LRP1B: variants seen among roughly 807,000 people sequenced by gnomAD.
The protein encoded by LRP1B is LDL receptor related protein 1B.
Under a neutral mutation model 556.6 loss-of-function variants are expected in LRP1B, and 217 were observed. The observed-to-expected ratio is 0.39, with a 90% CI of 0.35 to 0.44. The LOEUF is 0.44. Among genes scored for constraint, LRP1B ranks in the 20% least tolerant of loss-of-function variants. The pLI, the probability that LRP1B is intolerant of heterozygous loss-of-function variation, is 1.00. For missense variants in LRP1B, 5,053 were observed against 5,620.8 expected (o/e 0.90, Z 3.23); for synonymous variants, 2,047 against 1,865.8 (o/e 1.10, Z -2.50).
chr2:140,646,098 C>A (rs899823150), intron 41 of LRP1B, among the ~76,000 whole-genome samples: 1 of 152,092 alleles, frequency 6.6e-6, no homozygotes, highest in South Asian at 2.1e-4. Flanking sequence ...ACTCAGTTCT[C>A]GTAATTTCAT....
At chr2:140,478,981 A>C (rs112253832) in intron 59 of LRP1B, among the ~76,000 whole-genome samples, 1 of 151,942 alleles carries the variant, frequency 6.6e-6, no homozygotes, top group East Asian at 1.9e-4. Flanking sequence ...GTATCTTTGA[A>C]TATGATTTGC....
chr2:140,926,027 T>C (rs1235475433), intron 20 of LRP1B, among the ~76,000 whole-genome samples: 3 of 150,918 alleles, frequency 2.0e-5, no homozygotes, highest in South Asian at 2.1e-4. Flanking sequence ...TAAATTTAAA[T>C]ACAAATGTTA....
At chr2:140,602,846 C>T (rs932287640) in intron 41 of LRP1B, among the ~76,000 whole-genome samples, 1 of 151,762 alleles carries the variant, frequency 6.6e-6, no homozygotes, top group African/African-American at 2.4e-5. Flanking sequence ...AACTGCTTTT[C>T]ATACATCATT....
chr2:141,372,990 T>A (rs1389451468), intron 3 of LRP1B, among the ~76,000 whole-genome samples: 1 of 152,088 alleles, frequency 6.6e-6, no homozygotes, highest in Non-Finnish European at 1.5e-5. Flanking sequence ...ACTTTATTGA[T>A]GTATGCATTT....
At chr2:140,634,100 CA>C (rs1370829960) in intron 41 of LRP1B, among the ~76,000 whole-genome samples, 1 of 152,048 alleles carries the variant, frequency 6.6e-6, no homozygotes, top group East Asian at 1.9e-4. Context: ...AATTACACAC[CA>C]AAACCGAGTA....
intron 1 of LRP1B, among the ~76,000 whole-genome samples, chr2:141,846,340 G>T (rs545984054): frequency 2.0e-5 from 3 of 151,592 alleles, no homozygotes; most frequent in South Asian, 2.1e-4. Flanking sequence ...AAGAAATTGG[G>T]AATGTAAATA....
At chr2:141,413,666 C>G (rs922725306) in intron 3 of LRP1B, among the ~76,000 whole-genome samples, 12 of 152,096 alleles carry the variant, frequency 7.9e-5, no homozygotes, top group Non-Finnish European at 1.0e-4. Flanking sequence ...AATCCCAGCA[C>G]TTTGGGAGGG....
At chr2:140,436,051 G>A (rs1686166343) in intron 66 of LRP1B, among the ~76,000 whole-genome samples, 2 of 151,254 alleles carry the variant, frequency 1.3e-5, no homozygotes, top group Admixed American at 6.6e-5. Flanking sequence ...AAAGTCATTA[G>A]CAGAAAAGAG....
At chr2:142,049,600 T>C in intron 1 of LRP1B, among the ~76,000 whole-genome samples, 1 of 152,220 alleles carries the variant, frequency 6.6e-6, no homozygotes, top group South Asian at 2.1e-4. Flanking sequence ...ACATAGTCTT[T>C]CTTCCTTCTT....
chr2:140,700,102 G>C, intron 41 of LRP1B, 148 bp downstream of exon 41: 2 of 660,532 alleles, frequency 3.0e-6, no homozygotes, highest in East Asian at 5.9e-5. Flanking sequence ...GGGGGGTGGG[G>C]GGTGAGGGTT....
At chr2:140,859,045 T>TGTGAGCTC (rs1692705334) in intron 27 of LRP1B, among the ~76,000 whole-genome samples, 1 of 152,148 alleles carries the variant, frequency 6.6e-6, no homozygotes. Context: ...CTCTTGAACT[T>TGTGAGCTC]GTGAGCTCAA....
intron 1 of LRP1B, among the ~76,000 whole-genome samples, chr2:141,827,212 C>T (rs352975): frequency 0.21 from 31,339 of 152,230 alleles, 3,381 homozygotes; most frequent in East Asian, 0.33. Context: ...ATTTCATAGA[C>T]AGAAGTTCTT....
At position 141,065,463 on chromosome 2, in the gene LRP1B, G is replaced by A. The variant is rs77340451; in HGVS notation, c.1014-3190C>T. 5.4e-3 allele frequency among the ~76,000 whole-genome samples: 813 copies of A among 151,900 alleles called. 8 individuals are homozygous for A. The highest frequency in any genetic ancestry group is 0.018 in the African/African-American group (760 of 41,484). ...TGAACATGATACATTGTGTTTAATC[G>A]TCTTTTCTTGCTCAACTCCTTTAAT... On this transcript the variant is annotated intron_variant, in intron 7 of 90. Coordinates refer to ENST00000389484, the MANE Select transcript of LRP1B (RefSeq NM_018557.3).
chr2:140,649,202 G>A (rs780304049), intron 41 of LRP1B, among the ~76,000 whole-genome samples: 5 of 151,970 alleles, frequency 3.3e-5, no homozygotes, highest in African/African-American at 4.8e-5. Flanking sequence ...CTCTATCCTG[G>A]TAGTGATTTC....
chr2:141,601,866 T>A (rs1348011102), intron 2 of LRP1B, among the ~76,000 whole-genome samples: 1 of 152,028 alleles, frequency 6.6e-6, no homozygotes, highest in African/African-American at 2.4e-5. Flanking sequence ...CTTCCCAGAG[T>A]GCTGGGATTA....
intron 21 of LRP1B, among the ~76,000 whole-genome samples, chr2:140,911,446 A>G (rs12473271): frequency 0.84 from 127,532 of 151,624 alleles, 53,745 homozygotes; most frequent in East Asian, 0.95. Flanking sequence ...AAAATATATT[A>G]GCTTATTTTA....
intron 3 of LRP1B, among the ~76,000 whole-genome samples, chr2:141,283,612 G>A (rs926458130): frequency 2.1e-5 from 3 of 145,486 alleles, no homozygotes; most frequent in Non-Finnish European, 4.5e-5. Flanking sequence ...CAGACAAAGA[G>A]ACCCACTTTT....
At chr2:141,959,732 G>A (rs923745911) in intron 1 of LRP1B, among the ~76,000 whole-genome samples, 6 of 151,760 alleles carry the variant, frequency 4.0e-5, no homozygotes, top group African/African-American at 1.5e-4. Flanking sequence ...TTACATTTTT[G>A]TATTAAGTCT....
intron 25 of LRP1B, among the ~76,000 whole-genome samples, chr2:140,875,299 A>G (rs1693271028): frequency 6.6e-6 from 1 of 152,212 alleles, no homozygotes; most frequent in African/African-American, 2.4e-5. Context: ...CAAGACCAGT[A>G]TATGGGCCCT....
Sources: allele counts gnomAD v4.1 joint callset (sites outside exome capture counted in the v4.1 genomes callset), GRCh38; gene constraint gnomAD v4.1.1; transcripts MANE v1.5; gene names NCBI Gene and HGNC (gene_info 2026-07-23, HGNC 2026-07-21).